The following EPHA3 variants were observed in gnomAD, a reference collection of about 807,000 sequenced individuals.
EPHA3 encodes EPH receptor A3.
EPHA3 carries 42 observed loss-of-function variants against 107.1 expected under a neutral mutation model. That is an observed-to-expected ratio of 0.39 (90% CI 0.31 to 0.51). EPHA3 has a LOEUF of 0.51. Among genes scored for constraint, EPHA3 ranks in the 20% least tolerant of loss-of-function variants. EPHA3 has a pLI of 0.78. For missense variants in EPHA3, 1,183 were observed against 1,211.2 expected (o/e 0.98, Z 0.35); for synonymous variants, 461 against 424.8 (o/e 1.09, Z -1.05).
chr3:89,216,482 T>G (rs141534737), intron 3 of EPHA3, among the ~76,000 whole-genome samples: 5 of 152,056 alleles, frequency 3.3e-5, no homozygotes, highest in Non-Finnish European at 5.9e-5. Flanking sequence ...TCTCCTATCA[T>G]CTTAATGAAT....
intron 2 of EPHA3, among the ~76,000 whole-genome samples, chr3:89,162,910 C>A (rs372433716): frequency 5.9e-5 from 9 of 152,180 alleles, no homozygotes; most frequent in African/African-American, 2.2e-4. Context: ...CTGACAGCAT[C>A]CCAGCAGCCG....
intron 5 of EPHA3, among the ~76,000 whole-genome samples, chr3:89,373,855 G>A (rs936148662): frequency 4.0e-5 from 6 of 151,784 alleles, no homozygotes; most frequent in Admixed American, 3.3e-4. Context: ...GCTTTGAGAT[G>A]TAGAGGATAA....
chr3:89,476,965 G>T (rs1710528272), intron 16 of EPHA3, among the ~76,000 whole-genome samples: 1 of 151,294 alleles, frequency 6.6e-6, no homozygotes, highest in South Asian at 2.1e-4. Context: ...ATAGGATATG[G>T]TATTGGAAGA....
intron 3 of EPHA3, among the ~76,000 whole-genome samples, chr3:89,297,561 T>C (rs948286719): frequency 1.3e-5 from 2 of 152,036 alleles, no homozygotes; most frequent in African/African-American, 4.8e-5. Flanking sequence ...CCATAAAAGG[T>C]ATAATAGTAA....
At chr3:89,261,192 T>C (rs766874988) in intron 3 of EPHA3, among the ~76,000 whole-genome samples, 7 of 152,240 alleles carry the variant, frequency 4.6e-5, no homozygotes, top group Non-Finnish European at 8.8e-5. Context: ...AAAATTATTT[T>C]ATATTCTTCA....
intron 2 of EPHA3, among the ~76,000 whole-genome samples, chr3:89,144,484 T>C (rs1350285222): frequency 2.0e-5 from 3 of 151,762 alleles, no homozygotes; most frequent in Admixed American, 6.6e-5. Context: ...GAGGTGTGCT[T>C]CTTTTTGAAC....
At chr3:89,396,800 T>A (rs1708859393) in intron 6 of EPHA3, among the ~76,000 whole-genome samples, 1 of 152,058 alleles carries the variant, frequency 6.6e-6, no homozygotes, top group African/African-American at 2.4e-5. Flanking sequence ...TGCATTTATA[T>A]AGCAGTTTAT....
At chr3:89,215,412 G>T (rs1281768746) in intron 3 of EPHA3, among the ~76,000 whole-genome samples, 1 of 151,742 alleles carries the variant, frequency 6.6e-6, no homozygotes, top group African/African-American at 2.4e-5. Flanking sequence ...GCTCATTTTT[G>T]AGTCTCTATA....
chr3:89,451,719 T>C (rs1709994111), intron 15 of EPHA3, among the ~76,000 whole-genome samples: 1 of 152,144 alleles, frequency 6.6e-6, no homozygotes, highest in Non-Finnish European at 1.5e-5. Context: ...ACCAGTTGCT[T>C]CTCAATATCG....
Position 89,347,389 on chromosome 3 carries a change from G to A in EPHA3, c.1306+5299G>A, listed in dbSNP as rs1270024830. Among the ~76,000 whole-genome samples, 35 of 149,630 alleles carry A rather than the reference G, an allele frequency of 2.3e-4. 1 individual carries two copies. The East Asian group carries it at 5.4e-3, about 23-fold the overall frequency. ...TATTCTCTTTGAAGCAATTGTGAAT[G>A]GGAGTTCACTCATGATTTGGCTGTT... On this transcript the variant is annotated intron_variant, in intron 5 of 16. Coordinates refer to ENST00000336596, the MANE Select transcript of EPHA3 (RefSeq NM_005233.6).
chr3:89,255,555 T>A (rs1705265872), intron 3 of EPHA3, among the ~76,000 whole-genome samples: 1 of 152,228 alleles, frequency 6.6e-6, no homozygotes. Context: ...GCCTGAAATA[T>A]TTACTATCTG....
At chr3:89,136,851 TA>T (rs1479555686) in intron 2 of EPHA3, among the ~76,000 whole-genome samples, 1 of 151,962 alleles carries the variant, frequency 6.6e-6, no homozygotes, top group Non-Finnish European at 1.5e-5. Flanking sequence ...AATCATTCTT[TA>T]TTTTTTTAAA....
At position 89,122,334 on chromosome 3, in the gene EPHA3, G is replaced by A. The variant is rs552205965; in HGVS notation, c.89-4875G>A. On this transcript the variant is annotated intron_variant, in intron 1 of 16. Transcript: ENST00000336596. ...GTGGTTTTATAGTTATTTGTACTTG[G>A]CTATAAAAGTCCCTTATAACTGAAG... Among the ~76,000 whole-genome samples, 4 of 152,242 alleles carry A rather than the reference G, an allele frequency of 2.6e-5. No homozygotes were observed. The East Asian group carries it at 7.7e-4, about 29-fold the overall frequency.
intron 12 of EPHA3, 82 bp downstream of exon 12, chr3:89,429,249 A>G (rs1709515203): frequency 9.6e-7 from 1 of 1,044,734 alleles, no homozygotes; most frequent in African/African-American, 1.6e-5. Flanking sequence ...GTGCCAAGCA[A>G]TTCAGTAATC....
At chr3:89,259,960 C>T (rs1050784654) in intron 3 of EPHA3, among the ~76,000 whole-genome samples, 1 of 152,098 alleles carries the variant, frequency 6.6e-6, no homozygotes, top group African/African-American at 2.4e-5. Context: ...GCATAATGTC[C>T]ACCAGCTCCT....
At chr3:89,470,609 G>T (rs1426368030) in intron 15 of EPHA3, among the ~76,000 whole-genome samples, 2 of 152,128 alleles carry the variant, frequency 1.3e-5, no homozygotes, top group African/African-American at 4.8e-5. Context: ...CAGGCCTTAC[G>T]GTTCCAGTAT....
At chr3:89,234,744 TCCTTC>T (rs1461065079) in intron 3 of EPHA3, among the ~76,000 whole-genome samples, 7 of 144,930 alleles carry the variant, frequency 4.8e-5, no homozygotes, top group Non-Finnish European at 1.0e-4. Context: ...CTTCCTTCTT[TCCTTC>T]CCTTCCCTCC....
At position 89,132,192 on chromosome 3, in the gene EPHA3, G is replaced by A. The variant is rs374244222; in HGVS notation, c.153+4919G>A. Among the ~76,000 whole-genome samples, 11 of 152,218 alleles carry A rather than the reference G, an allele frequency of 7.2e-5. No homozygotes were observed. In the East Asian group the frequency reaches 2.1e-3, roughly 30 times the overall value. Reference sequence around the variant, plus strand: ...GGTCTGCAGCAGCTGCATTTCTCTCGGGACTAGAAAGGCAGAGCCCAGTGA... The same window carrying A: ...GGTCTGCAGCAGCTGCATTTCTCTCAGGACTAGAAAGGCAGAGCCCAGTGA... On this transcript the variant is annotated intron_variant, in intron 2 of 16. Transcript: ENST00000336596.
rs2107508037 is a variant in EPHA3 at position 89,399,340 on chromosome 3, C to T, written c.1454C>T (p.Thr485Ile). Residue 485 changes from threonine to isoleucine, a missense_variant, in exon 7 of 17, where the codon ACC becomes ATC. Transcript: ENST00000336596. ...YEKQEQETSY[T>I]ILRARGTNVT... ...AAGCAGGAACAAGAAACAAGTTATA[C>T]CATTCTGAGGGCAAGAGGCACAAAT... is the stretch of plus-strand genomic sequence containing the variant. 1 of 1,610,974 alleles carries T rather than the reference C, an allele frequency of 6.2e-7. No homozygotes were observed. Among genetic ancestry groups the T allele is most frequent in the Non-Finnish European group, 8.5e-7 (1 of 1,177,938 alleles).
Sources: gnomAD v4.1 joint callset for allele counts (sites outside exome capture counted in the v4.1 genomes callset) on GRCh38, gnomAD v4.1.1 for gene constraint, MANE v1.5 for transcripts, NCBI Gene and HGNC (gene_info 2026-07-23, HGNC 2026-07-21) for gene names.